KHDRBS2: variants seen among roughly 807,000 people sequenced by gnomAD.
The protein encoded by KHDRBS2 is KH RNA binding domain containing, signal transduction associated 2.
KHDRBS2 carries 26 observed loss-of-function variants against 44.3 expected under a neutral mutation model. The observed-to-expected ratio is 0.59, with a 90% confidence interval of 0.43 to 0.81. The LOEUF is 0.81. Ranked by LOEUF, KHDRBS2 falls within the 40% of genes least tolerant of loss-of-function variation. The pLI is 0.00. For synonymous variants in KHDRBS2, 194 were observed against 151.1 expected, an observed-to-expected ratio of 1.28 and a Z score of -2.08; for missense variants, 476 against 433.1, an observed-to-expected ratio of 1.10 and a Z score of -0.88.
chr6:61,904,022 G>C (rs1299705935), intron 4 of KHDRBS2, among the ~76,000 whole-genome samples: 1 of 152,138 alleles, frequency 6.6e-6, no homozygotes, highest in African/African-American at 2.4e-5. Flanking sequence ...TAAGTATTGC[G>C]GTGGTTTGTT....
chr6:62,102,223 T>C (rs1802057774), intron 2 of KHDRBS2, among the ~76,000 whole-genome samples: 1 of 152,202 alleles, frequency 6.6e-6, no homozygotes. Flanking sequence ...GGGTTTCATA[T>C]GATAGTTGAG....
chr6:61,861,556 C>T (rs1796968274), intron 6 of KHDRBS2, among the ~76,000 whole-genome samples: 1 of 151,488 alleles, frequency 6.6e-6, no homozygotes, highest in South Asian at 2.1e-4. Context: ...GTTCTCTATT[C>T]TGTTCCATTG....
intron 1 of KHDRBS2, among the ~76,000 whole-genome samples, chr6:62,210,005 A>T (rs1045288592): frequency 6.6e-6 from 1 of 152,114 alleles, no homozygotes; most frequent in Non-Finnish European, 1.5e-5. Flanking sequence ...GAGGTACTTC[A>T]TCTTGTGATT....
At chr6:62,076,811 G>C (rs1486264388) in intron 2 of KHDRBS2, among the ~76,000 whole-genome samples, 1 of 151,986 alleles carries the variant, frequency 6.6e-6, no homozygotes, top group Non-Finnish European at 1.5e-5. Flanking sequence ...GGAGGCCACT[G>C]AGTTGGTAGG....
chr6:62,081,116 A>G (rs1797309317), intron 2 of KHDRBS2, among the ~76,000 whole-genome samples: 1 of 152,134 alleles, frequency 6.6e-6, no homozygotes, highest in African/African-American at 2.4e-5. Context: ...GGCATTCTGA[A>G]TATATCTAGG....
chr6:62,131,582 C>A (rs2150090357), intron 2 of KHDRBS2, among the ~76,000 whole-genome samples: 1 of 152,296 alleles, frequency 6.6e-6, no homozygotes, highest in South Asian at 2.1e-4. Flanking sequence ...GAAACATAGA[C>A]ATTCTAAGGG....
chr6:62,054,931 T>G (rs1244741974), intron 2 of KHDRBS2, among the ~76,000 whole-genome samples: 1 of 152,040 alleles, frequency 6.6e-6, no homozygotes, highest in Non-Finnish European at 1.5e-5. Flanking sequence ...ACGTAATATA[T>G]AGCATAATAG....
chr6:61,778,253 G>T (rs1191267535), intron 6 of KHDRBS2, among the ~76,000 whole-genome samples: 1 of 152,144 alleles, frequency 6.6e-6, no homozygotes. Flanking sequence ...GATGAACAGA[G>T]CCTCTGTCAC....
intron 6 of KHDRBS2, among the ~76,000 whole-genome samples, chr6:61,881,000 G>A (rs900697766): frequency 6.6e-6 from 1 of 151,922 alleles, no homozygotes; most frequent in South Asian, 2.1e-4. Context: ...CAGGGATTGT[G>A]TGCAGCTTCT....
chr6:62,090,561 T>G (rs1799311320), intron 2 of KHDRBS2, among the ~76,000 whole-genome samples: 1 of 125,570 alleles, frequency 8.0e-6, no homozygotes, highest in Admixed American at 7.6e-5. Flanking sequence ...GGAAAGGTGT[T>G]TTTTTTTTTT....
At chr6:61,629,290 C>G in the KHDRBS2 span, among the ~76,000 whole-genome samples, 1 of 152,190 alleles carries the variant, frequency 6.6e-6, no homozygotes, top group Non-Finnish European at 1.5e-5. Context: ...GTGACCCCCT[C>G]TCTTTCTCAA....
intron 6 of KHDRBS2, among the ~76,000 whole-genome samples, chr6:61,832,251 A>G (rs1011621938): frequency 6.6e-6 from 1 of 152,200 alleles, no homozygotes; most frequent in Non-Finnish European, 1.5e-5. Context: ...ACAACAAAAA[A>G]AGGAAAGTAT....
chr6:62,082,370 G>C (rs779341354), intron 2 of KHDRBS2, among the ~76,000 whole-genome samples: 5 of 150,482 alleles, frequency 3.3e-5, no homozygotes, highest in Non-Finnish European at 7.4e-5. Context: ...TATCACAGAA[G>C]AATTCCTAGG....
chr6:62,215,942 C>T (rs1829906800), intron 1 of KHDRBS2, among the ~76,000 whole-genome samples: 2 of 151,676 alleles, frequency 1.3e-5, no homozygotes, highest in Non-Finnish European at 1.5e-5. Flanking sequence ...GTTTATATGT[C>T]ATAAACTATA....
chr6:61,937,188 C>G (rs917526360), intron 4 of KHDRBS2, among the ~76,000 whole-genome samples: 1 of 151,862 alleles, frequency 6.6e-6, no homozygotes, highest in African/African-American at 2.4e-5. Context: ...TCTGGTTCAC[C>G]TTTACCCATC....
chr6:61,845,309 GT>G (rs35774578), intron 6 of KHDRBS2, among the ~76,000 whole-genome samples: 310 of 125,798 alleles, frequency 2.5e-3, no homozygotes, highest in African/African-American at 5.1e-3. Flanking sequence ...ACAGTTCCTT[GT>G]TTTTTTTTTT....
At chr6:61,890,200 T>C (rs1213385271) in intron 6 of KHDRBS2, among the ~76,000 whole-genome samples, 2 of 152,210 alleles carry the variant, frequency 1.3e-5, no homozygotes, top group African/African-American at 4.8e-5. Context: ...TAAAATAAGA[T>C]GGAGGCTCAG....
intron 1 of KHDRBS2, among the ~76,000 whole-genome samples, chr6:62,188,325 C>A (rs1247807686): frequency 6.6e-6 from 1 of 152,020 alleles, no homozygotes; most frequent in Non-Finnish European, 1.5e-5. Context: ...TTGCTCCAGC[C>A]CCTGGTAATC....
the KHDRBS2 span, among the ~76,000 whole-genome samples, chr6:61,620,298 AGC>A: frequency 6.6e-6 from 1 of 152,164 alleles, no homozygotes; most frequent in Non-Finnish European, 1.5e-5. Flanking sequence ...AGACTTAAGG[AGC>A]CTATTTCATT....
Sources: gnomAD v4.1 joint callset for allele counts (sites outside exome capture counted in the v4.1 genomes callset) on GRCh38, gnomAD v4.1.1 for gene constraint, MANE v1.5 for transcripts, NCBI Gene and HGNC (gene_info 2026-07-23, HGNC 2026-07-21) for gene names.